The following TRIM35 variants were observed in gnomAD, a reference collection of about 807,000 sequenced individuals.
TRIM35 encodes the protein E3 ubiquitin-protein ligase TRIM35.
A neutral mutation model predicts 49.1 loss-of-function variants in TRIM35; 37 were observed. The ratio of observed to expected loss-of-function variants is 0.75; its 90% CI spans 0.58 to 0.99. The LOEUF (loss-of-function observed/expected upper bound fraction) is 0.99, where lower values mean the gene tolerates loss of function less well. Among genes scored for constraint, TRIM35 ranks in the 50% least tolerant of loss-of-function variants. The pLI is 0.00. For missense variants in TRIM35, 648 were observed against 702.7 expected, an observed-to-expected ratio of 0.92 and a Z score of 0.88; for synonymous variants, 302 against 289.3, an observed-to-expected ratio of 1.04 and a Z score of -0.45.
At chr8:27,307,734 A>G (rs999428681) in intron 1 of TRIM35, among the ~76,000 whole-genome samples, 4 of 152,230 alleles carry the variant, frequency 2.6e-5, no homozygotes, top group Non-Finnish European at 4.4e-5. Flanking sequence ...ACAAGGCTCC[A>G]GGTGATCTTT....
chr8:27,294,217 T>C lies in TRIM35; in HGVS notation c.625A>G (p.Met209Val), dbSNP rs772907758. Residue 209 changes from methionine (M) to valine (V), a missense_variant, in exon 3 of 6, where the codon ATG becomes GTG. Transcript: ENST00000305364. The stretch of plus-strand genomic sequence containing the variant: ...TGCTTCTGCCTTGTCTCCTCGGCCA[T>C]GGCATCCAGAATGGCCTGCTCCTCC... ...RVEEQAILDA[M>V]AEETRQKQLL... is the part of the protein sequence containing the mutation. 3.1e-6 allele frequency: 5 copies of C among 1,614,094 alleles called. No individual in the cohort carries two copies. The highest frequency in any genetic ancestry group is 3.3e-5 in the Admixed American group (2 of 60,010).
chr8:27,289,029 G>C lies in TRIM35; in HGVS notation c.904+133C>G, dbSNP rs1199422261. 10 of 666,552 alleles carry C rather than the reference G, an allele frequency of 1.5e-5. No individual in the cohort carries two copies. In the Admixed American group the frequency reaches 2.2e-4, roughly 15 times the overall value. The allele number at this position is 666,552 out of a possible 1,614,324, so 41.3% of individuals were successfully genotyped here. ...AACCTGCCTGCGAGGGACTGGCAGA[G>C]GGATCAGCTGAGAGAGGAGGGGAGC... is the stretch of plus-strand genomic sequence containing the variant. On this transcript the variant is annotated intron_variant, in intron 5 of 5. Coordinates refer to ENST00000305364, the MANE Select transcript of TRIM35 (RefSeq NM_171982.5).
chr8:27,287,694 G>T lies in TRIM35; in HGVS notation c.1338C>A (p.Arg446=), dbSNP rs757053664. Residue 446 remains arginine (R), a synonymous_variant, in exon 6 of 6, where the codon CGC becomes CGA. Transcript: ENST00000305364. The surrounding 1 kb of genome is among the most constrained non-coding windows in gnomAD (Gnocchi z 6.0). The part of the protein sequence containing the change: ...EGELSFYDAE[R]HCHLYTFHAR... ...CGTGGAAGGTGTACAGGTGGCAGTG[G>T]CGCTCCGCGTCATAGAAAGACAGCT... The T allele has an allele frequency of 3.7e-6, 6 of 1,610,024 alleles. No homozygotes were observed. The Admixed American group carries it at 1.0e-4, about 27-fold the overall frequency.
intron 3 of TRIM35, among the ~76,000 whole-genome samples, chr8:27,293,664 A>AC (rs996227509): frequency 2.6e-5 from 4 of 151,492 alleles, no homozygotes; most frequent in Non-Finnish European, 5.9e-5. Context: ...ACATAGTGAG[A>AC]CCCCCCTCAC....
intron 2 of TRIM35, among the ~76,000 whole-genome samples, chr8:27,296,318 T>A (rs1802565607): frequency 6.6e-6 from 1 of 151,924 alleles, no homozygotes; most frequent in African/African-American, 2.4e-5. Context: ...ATGCTCTCCC[T>A]CTCCCCAGTA....
At chr8:27,309,561 G>C (rs377743579) in intron 1 of TRIM35, among the ~76,000 whole-genome samples, 1 of 152,182 alleles carries the variant, frequency 6.6e-6, no homozygotes, top group Non-Finnish European at 1.5e-5. Context: ...CAGGGGACTC[G>C]GGCAGCTCCT....
At chr8:27,308,671 C>T (rs1424492580) in intron 1 of TRIM35, among the ~76,000 whole-genome samples, 4 of 152,208 alleles carry the variant, frequency 2.6e-5, no homozygotes, top group Non-Finnish European at 4.4e-5. Context: ...CAACAGCCAT[C>T]AGTACCCATT....
In TRIM35 at chr8:27,311,057, C is replaced by T; in HGVS notation, c.179G>A (p.Cys60Tyr). 6.3e-7 allele frequency: 1 copy of T among 1,597,888 alleles called. No homozygotes were observed. The change falls in exon 1 of 6, where the codon TGC (cysteine) becomes TAC (tyrosine). Residue 60 changes from cysteine to tyrosine, a missense_variant. Physicochemically the swap from Cys to Tyr is radical, Grantham distance 194 (BLOSUM62 -2). Transcript: ENST00000305364. ...GTCGGCGGGTGACGCGCGGTCTTTG[C>T]ACACTGGGCAGGTGGGCGACACCTG... The part of the protein sequence containing the change: ...EVQVSPTCPV[C>Y]KDRASPADLR...
In TRIM35 at chr8:27,289,069, A is replaced by G. The variant is rs1303715100; in HGVS notation, c.904+93T>C. On this transcript the variant is annotated intron_variant, in intron 5 of 5. Coordinates refer to ENST00000305364, the MANE Select transcript of TRIM35 (RefSeq NM_171982.5). ...AGGAGGGGAGCTCTGAGGAGGTGGGAGGTGGGCCCGGCAGAGACCAGCCCT... is the reference window on the plus strand; with the variant it reads ...AGGAGGGGAGCTCTGAGGAGGTGGGGGGTGGGCCCGGCAGAGACCAGCCCT... 3.2e-6 allele frequency: 3 copies of G among 943,100 alleles called. No homozygotes were observed. The African/African-American group carries it at 4.8e-5, about 15-fold the overall frequency. The allele number at this position is 943,100 out of a possible 1,614,324, so 58.4% of individuals were successfully genotyped here.
intron 2 of TRIM35, among the ~76,000 whole-genome samples, chr8:27,297,541 C>T (rs780375079): frequency 2.0e-5 from 3 of 152,186 alleles, no homozygotes; most frequent in Non-Finnish European, 4.4e-5. Context: ...GTGCCAAGAA[C>T]TCCTCTAGAT....
intron 4 of TRIM35, 74 bp downstream of exon 4, chr8:27,290,082 G>A (rs571776757): frequency 4.3e-5 from 68 of 1,568,768 alleles, no homozygotes; most frequent in Admixed American, 2.6e-4. Flanking sequence ...TGCTTGCCCC[G>A]GGGCCACTGG....
rs749839108 is a variant in TRIM35, at chr8:27,294,074, C to A, written c.762+6G>T. The A allele has an allele frequency of 6.2e-7, 1 of 1,613,696 alleles. No individual in the cohort carries two copies. Among genetic ancestry groups the A allele is most frequent in the South Asian group, 1.1e-5 (1 of 91,042 alleles). Reference sequence around the variant, plus strand: ...TGTCACTGAATCCAGACGCTGAGCTCCTTACCATGAGAAAAGAAACGTCGT... The same window carrying A: ...TGTCACTGAATCCAGACGCTGAGCTACTTACCATGAGAAAAGAAACGTCGT... On this transcript the variant is annotated splice_donor_region_variant and intron_variant, in intron 3 of 5. Coordinates refer to ENST00000305364, the MANE Select transcript of TRIM35 (RefSeq NM_171982.5).
intron 4 of TRIM35, 73 bp from the exon 5 acceptor site, chr8:27,289,353 A>C (rs1043690658): frequency 2.7e-5 from 33 of 1,236,802 alleles, no homozygotes; most frequent in Non-Finnish European, 3.9e-5. Context: ...CCAACTGGAA[A>C]CCAGCAACAG....
At chr8:27,303,983 C>A (rs1409039133) in intron 1 of TRIM35, among the ~76,000 whole-genome samples, 1 of 152,162 alleles carries the variant, frequency 6.6e-6, no homozygotes, top group Admixed American at 6.5e-5. Flanking sequence ...CATGAGCCAC[C>A]GCGTCCAGCC....
At chr8:27,293,677 C>T (rs1191061852) in intron 3 of TRIM35, among the ~76,000 whole-genome samples, 1 of 151,904 alleles carries the variant, frequency 6.6e-6, no homozygotes, top group African/African-American at 2.4e-5. Context: ...CCCCTCACCC[C>T]TACCTGACTG....
chr8:27,296,423 G>A (rs73241413), intron 2 of TRIM35, among the ~76,000 whole-genome samples: 14,343 of 152,202 alleles, frequency 0.094, 776 homozygotes, highest in Middle Eastern at 0.13. Flanking sequence ...GGCAATGACG[G>A]CCTCACTGTA....
At chr8:27,306,261 A>T (rs1030806123) in intron 1 of TRIM35, among the ~76,000 whole-genome samples, 1 of 152,160 alleles carries the variant, frequency 6.6e-6, no homozygotes, top group Non-Finnish European at 1.5e-5. Flanking sequence ...GCCACGACAT[A>T]AACAGCGCTG....
At chr8:27,304,833 G>GT (rs567719871) in intron 1 of TRIM35, 81 of 456,594 alleles carry the variant, frequency 1.8e-4, no homozygotes, top group African/African-American at 1.3e-3. Context: ...TGGTGAGTTG[G>GT]TAAAAAGTTC....
chr8:27,307,807 T>C (rs1365972952), intron 1 of TRIM35, among the ~76,000 whole-genome samples: 2 of 152,232 alleles, frequency 1.3e-5, no homozygotes, highest in African/African-American at 4.8e-5. Context: ...TATAATTGTC[T>C]ATAAAATGGG....
Sources: gnomAD v4.1 joint callset for allele counts (sites outside exome capture counted in the v4.1 genomes callset) on GRCh38, gnomAD v4.1.1 for gene constraint, Gnocchi (gnomAD v3.1) non-coding constraint, MANE v1.5 for transcripts, NCBI Gene and HGNC (gene_info 2026-07-23, HGNC 2026-07-21) for gene names.